ADIPOR1: variants seen among roughly 807,000 people sequenced by gnomAD.
The protein encoded by ADIPOR1 is adiponectin receptor 1, also known as adiponectin receptor protein 1.
ADIPOR1 carries 15 observed loss-of-function variants against 37.5 expected under a neutral mutation model. The observed-to-expected ratio is 0.40, with a 90% CI of 0.27 to 0.62. ADIPOR1 has a LOEUF of 0.62. ADIPOR1 is among the 20% of genes least tolerant of loss of function. ADIPOR1 has a pLI of 0.42. For missense variants in ADIPOR1, 286 were observed against 478.0 expected (o/e 0.60, Z 3.75); for synonymous variants, 173 against 173.2 (o/e 1.00, Z 0.01).
rs1654568750 is a variant in ADIPOR1 at position 202,951,180 on chromosome 1, A to G, written c.-94-16T>C. Reference sequence around the variant, plus strand: ...ATGGTAGACACTAAAAGAAAATACAAACATGAAGGATTGACAATTTATTCC... The same window carrying G: ...ATGGTAGACACTAAAAGAAAATACAGACATGAAGGATTGACAATTTATTCC... On this transcript the variant is annotated splice_polypyrimidine_tract_variant and intron_variant, in intron 1 of 7. Transcript: ENST00000340990. 1.6e-6 allele frequency: 2 copies of G among 1,242,860 alleles called. No homozygotes were observed. Among genetic ancestry groups the G allele is most frequent in the South Asian group, 2.8e-5 (2 of 71,426 alleles). The allele number at this position is 1,242,860 out of a possible 1,614,324, so 77.0% of individuals were successfully genotyped here. A position where few individuals can be genotyped will look rare whatever the true frequency, so the allele number is the denominator to read the frequency against.
chr1:202,951,144 A>T lies in ADIPOR1; in HGVS notation c.-74T>A. The stretch of plus-strand genomic sequence containing the variant: ...GGTCTCTCAGCCCCAGGGGGCAGAG[A>T]TCTCCCTCTGATGGTAGACACTAAA... On this transcript the variant is annotated 5_prime_UTR_variant, in exon 2 of 8. Transcript: ENST00000340990. The T allele has an allele frequency of 2.5e-6, 4 of 1,578,482 alleles. No individual in the cohort carries two copies. Among genetic ancestry groups the T allele is most frequent in the South Asian group, 2.2e-5 (2 of 89,190 alleles).
At position 202,949,027 on chromosome 1, in the gene ADIPOR1, G is replaced by A. The variant is rs553223424; in HGVS notation, c.142-607C>T. On this transcript the variant is annotated intron_variant, in intron 2 of 7. Coordinates refer to ENST00000340990, the MANE Select transcript of ADIPOR1 (RefSeq NM_015999.6). ...GCTGTTCTCAATCTCCTGACCTCAC[G>A]TGATCCTCCTGCCTCGGCCTCCCAA... 5.9e-5 allele frequency among the ~76,000 whole-genome samples: 9 copies of A among 151,820 alleles called. No individual in the cohort carries two copies. The East Asian group carries it at 1.8e-3, about 30-fold the overall frequency.
intron 1 of ADIPOR1, among the ~76,000 whole-genome samples, chr1:202,955,723 C>G (rs997830253): frequency 1.3e-5 from 2 of 152,148 alleles, no homozygotes; most frequent in Non-Finnish European, 2.9e-5. Context: ...CCTGCATCAG[C>G]CTCCCAAAGT....
chr1:202,948,853 G>A (rs1654440180), intron 2 of ADIPOR1, among the ~76,000 whole-genome samples: 1 of 150,748 alleles, frequency 6.6e-6, no homozygotes, highest in South Asian at 2.1e-4. Context: ...GTACAGTGGT[G>A]CGATCTCTGT....
At chr1:202,952,450 T>C (rs1654614975) in intron 1 of ADIPOR1, among the ~76,000 whole-genome samples, 1 of 152,218 alleles carries the variant, frequency 6.6e-6, no homozygotes, top group Non-Finnish European at 1.5e-5. Flanking sequence ...TATATACAAA[T>C]ATCTTTGATA....
At chr1:202,958,542 C>T (rs1288449372), upstream of ADIPOR1, 2 of 152,518 alleles carry the variant, frequency 1.3e-5, no homozygotes, top group Non-Finnish European at 2.9e-5. Flanking sequence ...TTCTACACTC[C>T]ACCTCGTTAT....
intron 1 of ADIPOR1, among the ~76,000 whole-genome samples, chr1:202,952,529 C>T (rs1654617804): frequency 6.6e-6 from 1 of 152,202 alleles, no homozygotes; most frequent in African/African-American, 2.4e-5. Flanking sequence ...ATCTCTTTCT[C>T]TGACTCCCTA....
intron 2 of ADIPOR1, among the ~76,000 whole-genome samples, chr1:202,949,549 C>T (rs1266524068): frequency 1.4e-5 from 2 of 140,970 alleles, no homozygotes; most frequent in Non-Finnish European, 3.0e-5. Flanking sequence ...CCACTGCACT[C>T]CAGCCAGGGC....
At chr1:202,950,798 G>C in intron 2 of ADIPOR1, 132 bp downstream of exon 2, 1 of 1,259,540 alleles carries the variant, frequency 7.9e-7, no homozygotes, top group Non-Finnish European at 1.1e-6. Flanking sequence ...CAGTATCATA[G>C]GGACTTGGAT....
intron 4 of ADIPOR1, among the ~76,000 whole-genome samples, chr1:202,946,057 G>C (rs1046102593): frequency 1.4e-5 from 2 of 143,862 alleles, no homozygotes; most frequent in Non-Finnish European, 3.0e-5. Context: ...ATGAGGTTTA[G>C]CTGTGTAATT....
chr1:202,948,099 G>T (rs1654405045), intron 3 of ADIPOR1, among the ~76,000 whole-genome samples: 1 of 152,124 alleles, frequency 6.6e-6, no homozygotes, highest in African/African-American at 2.4e-5. Flanking sequence ...TCCGTTTTAA[G>T]AATATATTTT....
chr1:202,947,718 G>C (rs1018686574), intron 3 of ADIPOR1, among the ~76,000 whole-genome samples: 2 of 152,066 alleles, frequency 1.3e-5, no homozygotes, highest in Non-Finnish European at 2.9e-5. Context: ...CATCTTTTTA[G>C]AGTAGGGGTT....
chr1:202,957,476 A>C (rs530395676), intron 1 of ADIPOR1, among the ~76,000 whole-genome samples: 15 of 152,050 alleles, frequency 9.9e-5, no homozygotes, highest in East Asian at 9.7e-4. Context: ...GGGAAAAAAA[A>C]CACTTATCTA....
Position 202,944,993 on chromosome 1 carries a change from T to C in ADIPOR1, c.607A>G (p.Thr203Ala). The change falls in exon 5 of 8, where the codon ACT (threonine) becomes GCT (alanine). Residue 203 changes from threonine to alanine, a missense_variant. Physicochemically the swap from Thr to Ala is moderately conservative, Grantham distance 58 (BLOSUM62 0). Coordinates refer to ENST00000340990, the MANE Select transcript of ADIPOR1 (RefSeq NM_015999.6). ...GTTCTTTTAACTCACTTGGAAAAAG[T>C]CCGAGAGACTTTCTCTGAATGACAA... is the stretch of plus-strand genomic sequence containing the variant. ...VYCHSEKVSR[T>A]FSKLDYSGIA... 1 of 1,610,594 alleles carries C rather than the reference T, an allele frequency of 6.2e-7. No individual in the cohort carries two copies. Among genetic ancestry groups the C allele is most frequent in the South Asian group, 1.1e-5 (1 of 90,930 alleles).
intron 4 of ADIPOR1, among the ~76,000 whole-genome samples, chr1:202,946,081 T>A (rs1654303644): frequency 6.6e-6 from 1 of 150,918 alleles, no homozygotes; most frequent in South Asian, 2.1e-4. Flanking sequence ...GTCCAATGTT[T>A]CAAAGAAAGT....
intron 4 of ADIPOR1, among the ~76,000 whole-genome samples, chr1:202,945,520 C>T (rs1171096464): frequency 6.6e-6 from 1 of 152,164 alleles, no homozygotes; most frequent in Admixed American, 6.5e-5. Context: ...CAGGTGTCTA[C>T]CCAAAGGAAA....
intron 6 of ADIPOR1, among the ~76,000 whole-genome samples, chr1:202,943,515 T>C (rs971125348): frequency 6.6e-6 from 1 of 152,204 alleles, no homozygotes; most frequent in South Asian, 2.1e-4. Context: ...AGTAGCTACA[T>C]CTGTGCTTGC....
intron 1 of ADIPOR1, among the ~76,000 whole-genome samples, chr1:202,953,797 T>G (rs2102494053): frequency 6.6e-6 from 1 of 152,334 alleles, no homozygotes; most frequent in East Asian, 1.9e-4. Context: ...TGATACAATT[T>G]GATTGCTCCA....
At chr1:202,954,072 T>C (rs1325299946) in intron 1 of ADIPOR1, among the ~76,000 whole-genome samples, 1 of 152,210 alleles carries the variant, frequency 6.6e-6, no homozygotes, top group Non-Finnish European at 1.5e-5. Context: ...AATCATTTAC[T>C]ATTAGTTCTT....
Sources: gnomAD v4.1 joint callset for allele counts (sites outside exome capture counted in the v4.1 genomes callset) on GRCh38, gnomAD v4.1.1 for gene constraint, MANE v1.5 for transcripts, NCBI Gene and HGNC (gene_info 2026-07-23, HGNC 2026-07-21) for gene names.